ZBTB7C: variants seen among roughly 807,000 people sequenced by gnomAD.
ZBTB7C encodes zinc finger and BTB domain-containing protein 7C.
Under a neutral mutation model 25.7 loss-of-function variants are expected in ZBTB7C, and 8 were observed. That is an observed-to-expected ratio of 0.31 (90% CI 0.18 to 0.56). The LOEUF (loss-of-function observed/expected upper bound fraction) is 0.56, where lower values mean the gene tolerates loss of function less well. Among genes scored for constraint, ZBTB7C ranks in the 20% least tolerant of loss-of-function variants. The pLI is 0.91. For missense variants in ZBTB7C, 824 were observed against 855.2 expected, an observed-to-expected ratio of 0.96 and a Z score of 0.46; for synonymous variants, 394 against 369.0, an observed-to-expected ratio of 1.07 and a Z score of -0.78.
chr18:48,153,993 G>A (rs957348677), intron 3 of ZBTB7C, among the ~76,000 whole-genome samples: 10 of 152,284 alleles, frequency 6.6e-5, no homozygotes, highest in African/African-American at 2.4e-4. Context: ...TGTGGCTCAG[G>A]GTCATGGCTG....
At chr18:48,282,783 A>C (rs2044906917) in intron 2 of ZBTB7C, among the ~76,000 whole-genome samples, 3 of 152,242 alleles carry the variant, frequency 2.0e-5, no homozygotes, top group Admixed American at 6.5e-5. Context: ...ATGTAAAGTT[A>C]ATAAAGTTCA....
At chr18:48,348,920 T>G (rs1441171203) in intron 1 of ZBTB7C, among the ~76,000 whole-genome samples, 2 of 152,074 alleles carry the variant, frequency 1.3e-5, no homozygotes, top group African/African-American at 2.4e-5. Flanking sequence ...AGTTCCTGAG[T>G]GGACATGCAT....
chr18:48,231,774 G>A (rs1210758741), intron 2 of ZBTB7C, among the ~76,000 whole-genome samples: 1 of 152,232 alleles, frequency 6.6e-6, no homozygotes, highest in Non-Finnish European at 1.5e-5. Flanking sequence ...GGCCCTTTGG[G>A]AAGCCCAGAC....
chr18:48,121,560 A>G (rs1269670930), intron 3 of ZBTB7C, among the ~76,000 whole-genome samples: 1 of 152,316 alleles, frequency 6.6e-6, no homozygotes, highest in East Asian at 1.9e-4. Context: ...CCATTGGTAC[A>G]TACCTGCAGT....
intron 2 of ZBTB7C, among the ~76,000 whole-genome samples, chr18:48,235,739 C>T (rs896480845): frequency 7.9e-5 from 12 of 152,076 alleles, no homozygotes; most frequent in Admixed American, 2.6e-4. Context: ...CATTACCCCC[C>T]GCCTCAGCAC....
At chr18:48,351,608 C>T (rs1419685609) in intron 1 of ZBTB7C, among the ~76,000 whole-genome samples, 1 of 152,244 alleles carries the variant, frequency 6.6e-6, no homozygotes, top group African/African-American at 2.4e-5. Flanking sequence ...CGCCGTTTTC[C>T]TGCTCTTAAT....
chr18:48,299,147 A>C (rs1401740129), intron 2 of ZBTB7C, among the ~76,000 whole-genome samples: 3 of 152,198 alleles, frequency 2.0e-5, no homozygotes, highest in Non-Finnish European at 4.4e-5. Flanking sequence ...ATCACTTGGT[A>C]ACAGGAATCA....
At chr18:48,317,851 G>A (rs1475689095) in intron 2 of ZBTB7C, among the ~76,000 whole-genome samples, 1 of 152,156 alleles carries the variant, frequency 6.6e-6, no homozygotes, top group African/African-American at 2.4e-5. Context: ...GACCCTGTAG[G>A]TCTGGGGTGG....
intron 2 of ZBTB7C, among the ~76,000 whole-genome samples, chr18:48,285,685 T>G (rs1216084704): frequency 1.3e-5 from 2 of 152,182 alleles, no homozygotes; most frequent in Non-Finnish European, 1.5e-5. Flanking sequence ...AAATTGTGTA[T>G]GTGATTCTTA....
At chr18:48,045,066 C>T (rs544323258) in intron 3 of ZBTB7C, among the ~76,000 whole-genome samples, 4 of 152,228 alleles carry the variant, frequency 2.6e-5, no homozygotes, top group East Asian at 1.9e-4. Context: ...TCTGCTAACA[C>T]GTAATGAGTG....
intron 2 of ZBTB7C, among the ~76,000 whole-genome samples, chr18:48,273,205 C>G (rs1336001959): frequency 1.3e-5 from 2 of 151,906 alleles, no homozygotes; most frequent in Non-Finnish European, 2.9e-5. Flanking sequence ...TCATACTTGA[C>G]ACCGATCATA....
chr18:48,180,213 C>A, intron 3 of ZBTB7C: 1 of 295,590 alleles, frequency 3.4e-6, no homozygotes, highest in Admixed American at 3.5e-5. Flanking sequence ...CTCCTTCCTT[C>A]CTTCCTTCCT....
intron 3 of ZBTB7C, among the ~76,000 whole-genome samples, chr18:48,100,521 C>T (rs1019409805): frequency 1.7e-4 from 26 of 152,006 alleles, no homozygotes; most frequent in Admixed American, 2.0e-4. Context: ...ACTGTATCGC[C>T]GAGATAATAA....
chr18:48,240,271 T>C (rs2043488855), intron 2 of ZBTB7C, among the ~76,000 whole-genome samples: 1 of 152,156 alleles, frequency 6.6e-6, no homozygotes, highest in Admixed American at 6.6e-5. Context: ...ATCTAAAAGT[T>C]TGGAAAGCTT....
intron 2 of ZBTB7C, among the ~76,000 whole-genome samples, chr18:48,194,293 T>C (rs1181147707): frequency 1.3e-5 from 2 of 152,242 alleles, no homozygotes; most frequent in Non-Finnish European, 2.9e-5. Context: ...AGGAGGGATC[T>C]CTCACACCAG....
chr18:48,045,476 G>A (rs2036432082), intron 3 of ZBTB7C, among the ~76,000 whole-genome samples: 1 of 152,208 alleles, frequency 6.6e-6, no homozygotes, highest in South Asian at 2.1e-4. Context: ...GATGGACTGA[G>A]TGGCCACAAT....
At chr18:48,154,095 C>T (rs2040761668) in intron 3 of ZBTB7C, among the ~76,000 whole-genome samples, 1 of 152,220 alleles carries the variant, frequency 6.6e-6, no homozygotes, top group Non-Finnish European at 1.5e-5. Context: ...CAGCAGAACA[C>T]ACTGCCCATG....
chr18:48,345,827 T>C (rs1167435367), intron 1 of ZBTB7C, among the ~76,000 whole-genome samples: 1 of 152,248 alleles, frequency 6.6e-6, no homozygotes, highest in Admixed American at 6.5e-5. Context: ...CCAGCTCTGC[T>C]GCCATCTGGC....
intron 3 of ZBTB7C, among the ~76,000 whole-genome samples, chr18:48,095,688 G>T (rs183284645): frequency 6.6e-6 from 1 of 151,178 alleles, no homozygotes; most frequent in Admixed American, 6.6e-5. Flanking sequence ...CTCCAGCCTG[G>T]GTGACAGAGT....
Sources: allele counts gnomAD v4.1 joint callset (sites outside exome capture counted in the v4.1 genomes callset), GRCh38; gene constraint gnomAD v4.1.1; transcripts MANE v1.5; gene names NCBI Gene and HGNC (gene_info 2026-07-23, HGNC 2026-07-21).